The following SEMA3E variants were observed in gnomAD, a reference collection of about 807,000 sequenced individuals.
The protein encoded by SEMA3E is semaphorin 3E, also known as semaphorin-3E.
SEMA3E carries 49 observed loss-of-function variants against 93.6 expected under a neutral mutation model. That is an observed-to-expected ratio of 0.52 (90% CI 0.42 to 0.66). SEMA3E has a LOEUF of 0.66. Among genes scored for constraint, SEMA3E ranks in the 30% least tolerant of loss-of-function variants. The pLI is 0.00. For missense variants in SEMA3E, 906 were observed against 964.8 expected (o/e 0.94, Z 0.81); for synonymous variants, 363 against 330.7 (o/e 1.10, Z -1.06).
At chr7:83,581,756 G>A (rs887956014) in intron 1 of SEMA3E, among the ~76,000 whole-genome samples, 1 of 151,940 alleles carries the variant, frequency 6.6e-6, no homozygotes, top group African/African-American at 2.4e-5. Flanking sequence ...TGCTACTGGA[G>A]TCAGAGTATC....
Position 83,406,070 on chromosome 7 carries a change from C to T in SEMA3E, c.814-11G>A, listed in dbSNP as rs781715218. The stretch of plus-strand genomic sequence containing the variant: ...CCCTCCTACATCATTCTGTGAAAAC[C>T]AAAAAGGAGGTAAATAGTTACCTAA... On this transcript the variant is annotated splice_polypyrimidine_tract_variant and intron_variant, in intron 7 of 16. Transcript: ENST00000643230. 6.4e-7 allele frequency: 1 copy of T among 1,574,166 alleles called. No homozygotes were observed. Among genetic ancestry groups the T allele is most frequent in the Admixed American group, 1.7e-5 (1 of 59,742 alleles).
chr7:83,458,650 A>G (rs1280802508), intron 4 of SEMA3E, among the ~76,000 whole-genome samples: 2 of 151,908 alleles, frequency 1.3e-5, no homozygotes, highest in East Asian at 1.9e-4. Context: ...CCTTTCAAGT[A>G]AACTATGCTG....
At chr7:83,547,169 TAATAA>T (rs1315505072) in intron 1 of SEMA3E, among the ~76,000 whole-genome samples, 1 of 152,172 alleles carries the variant, frequency 6.6e-6, no homozygotes, top group Non-Finnish European at 1.5e-5. Flanking sequence ...AAGTGTATTT[TAATAA>T]ACATTATAAT....
chr7:83,580,495 A>G (rs980330841), intron 1 of SEMA3E, among the ~76,000 whole-genome samples: 1 of 151,826 alleles, frequency 6.6e-6, no homozygotes, highest in Non-Finnish European at 1.5e-5. Flanking sequence ...CTTTACTTTC[A>G]CTGCCTATTC....
At chr7:83,536,812 A>G (rs763175226) in intron 1 of SEMA3E, among the ~76,000 whole-genome samples, 8 of 152,184 alleles carry the variant, frequency 5.3e-5, no homozygotes, top group Non-Finnish European at 1.0e-4. Flanking sequence ...GATTTTCTGT[A>G]GAAATATCCA....
chr7:83,510,827 A>G (rs775645599), intron 1 of SEMA3E, among the ~76,000 whole-genome samples: 8 of 152,176 alleles, frequency 5.3e-5, no homozygotes, highest in Non-Finnish European at 1.0e-4. Flanking sequence ...GCTAGTTGAC[A>G]TTTGGTGAAA....
intron 2 of SEMA3E, among the ~76,000 whole-genome samples, chr7:83,489,705 C>T (rs2115974534): frequency 6.6e-6 from 1 of 151,930 alleles, no homozygotes; most frequent in South Asian, 2.1e-4. Flanking sequence ...GTGATATTAC[C>T]AACAGAACTA....
chr7:83,422,422 G>T (rs1478944351), intron 4 of SEMA3E, among the ~76,000 whole-genome samples: 1 of 152,054 alleles, frequency 6.6e-6, no homozygotes, highest in African/African-American at 2.4e-5. Flanking sequence ...TTATAGATCT[G>T]CCCAGCTAAC....
intron 1 of SEMA3E, among the ~76,000 whole-genome samples, chr7:83,631,414 C>A (rs552627658): frequency 6.6e-6 from 1 of 150,500 alleles, no homozygotes; most frequent in African/African-American, 2.4e-5. Flanking sequence ...CAAATACTGA[C>A]ATTTTAGATA....
chr7:83,638,225 G>T (rs1452104698), intron 1 of SEMA3E, among the ~76,000 whole-genome samples: 2 of 152,124 alleles, frequency 1.3e-5, no homozygotes, highest in Non-Finnish European at 1.5e-5. Context: ...GAGCAATGAG[G>T]TCATTCATAA....
intron 16 of SEMA3E, among the ~76,000 whole-genome samples, chr7:83,384,067 A>G (rs1176831725): frequency 2.6e-5 from 4 of 151,968 alleles, no homozygotes; most frequent in African/African-American, 7.2e-5. Context: ...TTGCATTTCT[A>G]TATTATTTCT....
intron 1 of SEMA3E, among the ~76,000 whole-genome samples, chr7:83,626,636 G>A (rs1297706540): frequency 5.3e-5 from 8 of 152,032 alleles, no homozygotes; most frequent in East Asian, 3.9e-4. Context: ...TATCTATTTT[G>A]TTAGTATTTT....
chr7:83,579,452 A>G (rs898510482), intron 1 of SEMA3E, among the ~76,000 whole-genome samples: 7 of 152,130 alleles, frequency 4.6e-5, no homozygotes, highest in African/African-American at 1.7e-4. Context: ...AATAAGTAGA[A>G]TTTAGGGTTG....
At position 83,364,373 on chromosome 7, in the gene SEMA3E, C is replaced by T. The variant is rs1362919824; in HGVS notation, c.*3213G>A. On this transcript the variant is annotated 3_prime_UTR_variant, in exon 17 of 17. Transcript: ENST00000643230. ...CATTACAAACATTCTAAGTATTTAA[C>T]TAATTTTAGATAGAAAAAACTCTAA... is the stretch of plus-strand genomic sequence containing the variant. The T allele has an allele frequency of 6.6e-6, 1 of 152,174 alleles. No individual in the cohort carries two copies. Among genetic ancestry groups the T allele is most frequent in the East Asian group, 1.9e-4 (1 of 5,196 alleles). The allele number at this position is 152,174 out of a possible 1,614,324, so 9.4% of individuals were successfully genotyped here.
intron 1 of SEMA3E, among the ~76,000 whole-genome samples, chr7:83,515,594 C>T (rs887069773): frequency 6.6e-6 from 1 of 152,138 alleles, no homozygotes; most frequent in Non-Finnish European, 1.5e-5. Context: ...TTTGCTTAAT[C>T]CTTAGAGTTT....
chr7:83,442,006 T>C (rs1026851999), intron 4 of SEMA3E, among the ~76,000 whole-genome samples: 2 of 152,176 alleles, frequency 1.3e-5, no homozygotes, highest in East Asian at 1.9e-4. Context: ...TATAAATGAA[T>C]GAAGCAACAT....
chr7:83,517,954 T>C (rs1299344293), intron 1 of SEMA3E, among the ~76,000 whole-genome samples: 1 of 152,008 alleles, frequency 6.6e-6, no homozygotes, highest in Non-Finnish European at 1.5e-5. Context: ...GGCCTCTGGG[T>C]GAGAAAAGTA....
chr7:83,385,489 T>A lies in SEMA3E; in HGVS notation c.1736-56A>T, dbSNP rs967781398. The A allele has an allele frequency of 1.1e-5, 17 of 1,552,170 alleles. No homozygotes were observed. In the Admixed American group the frequency reaches 2.8e-4, roughly 26 times the overall value. On this transcript the variant is annotated intron_variant, in intron 15 of 16. Coordinates refer to ENST00000643230, the MANE Select transcript of SEMA3E (RefSeq NM_012431.3). ...GACTTAGATTTTATAGGTAAATAAATTTTTCAAACATTATTTAGATCCCTG... is the reference window on the plus strand; with the variant it reads ...GACTTAGATTTTATAGGTAAATAAAATTTTCAAACATTATTTAGATCCCTG...
At chr7:83,414,426 T>C (rs563671982) in intron 5 of SEMA3E, among the ~76,000 whole-genome samples, 2 of 152,218 alleles carry the variant, frequency 1.3e-5, no homozygotes, top group African/African-American at 2.4e-5. Context: ...ATTCATTCAA[T>C]TGACATTGAC....
Sources: allele counts gnomAD v4.1 joint callset (sites outside exome capture counted in the v4.1 genomes callset), GRCh38; gene constraint gnomAD v4.1.1; transcripts MANE v1.5; gene names NCBI Gene and HGNC (gene_info 2026-07-23, HGNC 2026-07-21).